Variants in MARK4 observed in about 807,000 individuals in gnomAD.
MARK4 encodes the protein microtubule affinity regulating kinase 4, also known as MAP/microtubule affinity-regulating kinase 4.
MARK4 carries 19 observed loss-of-function variants against 81.5 expected under a neutral mutation model. That is an observed-to-expected ratio of 0.23 (90% CI 0.16 to 0.34). The LOEUF (loss-of-function observed/expected upper bound fraction) is 0.34. MARK4 is among the 10% of genes least tolerant of loss of function. The pLI, the probability that MARK4 is intolerant of heterozygous loss-of-function variation, is 1.00. For missense variants in MARK4, 772 were observed against 1,058.8 expected, an observed-to-expected ratio of 0.73 and a Z score of 3.76; for synonymous variants, 436 against 439.0, an observed-to-expected ratio of 0.99 and a Z score of 0.08.
chr19:45,267,863 G>A (rs1970476087), intron 7 of MARK4, among the ~76,000 whole-genome samples: 1 of 152,096 alleles, frequency 6.6e-6, no homozygotes. Context: ...ATCTCACTCT[G>A]TTGTCCAGGC....
chr19:45,268,212 G>A (rs368484790), intron 7 of MARK4, among the ~76,000 whole-genome samples: 14 of 152,234 alleles, frequency 9.2e-5, no homozygotes, highest in African/African-American at 3.1e-4. Context: ...AGGCTGTGGT[G>A]GGAGGATTGC....
At chr19:45,262,905 C>G (rs1327004128) in intron 2 of MARK4, 17 of 541,844 alleles carry the variant, frequency 3.1e-5, no homozygotes. Context: ...GCTGGGATTA[C>G]AGGTGCCTGC....
In MARK4 at chr19:45,297,870, C is replaced by T. The variant is rs2123109785; in HGVS notation, c.1793C>T (p.Ala598Val). 2 of 1,549,810 alleles carry T rather than the reference C, an allele frequency of 1.3e-6. No individual in the cohort carries two copies. The highest frequency in any genetic ancestry group is 2.4e-5 in the East Asian group (1 of 40,942). The change falls in exon 15 of 17, where the codon GCC (alanine) becomes GTC (valine). Residue 598 changes from alanine (A) to valine (V), a missense_variant. By Grantham distance (64) the Ala-to-Val change is moderately conservative. Around this residue, in one of 3 missense-constraint regions of MARK4, gnomAD observed 548 missense variants for 624.3 expected, o/e 0.88. Transcript: ENST00000262891. ...GGGCCCCCTGCCTCTCCCACACTGGCCCATGAGGCTGCACCCCTGCCCGCC... is the reference window on the plus strand; with the variant it reads ...GGGCCCCCTGCCTCTCCCACACTGGTCCATGAGGCTGCACCCCTGCCCGCC... Reference protein sequence around the residue: ...QNGPPASPTLAHEAAPLPAGR... With the variant: ...QNGPPASPTLVHEAAPLPAGR...
At chr19:45,286,497 T>A (rs1458639368) in intron 12 of MARK4, among the ~76,000 whole-genome samples, 1 of 149,756 alleles carries the variant, frequency 6.7e-6, no homozygotes, top group Non-Finnish European at 1.5e-5. Context: ...ATCGCTGGAG[T>A]CCAGGAGTTT....
intron 8 of MARK4, among the ~76,000 whole-genome samples, chr19:45,275,462 G>A (rs1970586041): frequency 6.6e-6 from 1 of 151,780 alleles, no homozygotes; most frequent in African/African-American, 2.4e-5. Context: ...TCCAGCTTCG[G>A]TGACAGAACA....
intron 8 of MARK4, among the ~76,000 whole-genome samples, chr19:45,273,768 T>G (rs565226077): frequency 6.6e-6 from 1 of 152,356 alleles, no homozygotes; most frequent in Admixed American, 6.5e-5. Context: ...TGCTCTGCGT[T>G]GCCCGTGAGG....
intron 8 of MARK4, among the ~76,000 whole-genome samples, chr19:45,273,244 C>T (rs1008518164): frequency 5.1e-4 from 77 of 152,148 alleles, no homozygotes; most frequent in African/African-American, 1.7e-3. Flanking sequence ...TTCACAATCG[C>T]TGGCCTGTGT....
chr19:45,278,684 A>T, intron 10 of MARK4, 69 bp downstream of exon 10: 2 of 1,136,950 alleles, frequency 1.8e-6, no homozygotes, highest in Non-Finnish European at 2.6e-6. Context: ...GCTCACTGCA[A>T]CCTCCGCCTC....
intron 7 of MARK4, among the ~76,000 whole-genome samples, chr19:45,266,529 A>G (rs1040012002): frequency 6.6e-6 from 1 of 151,998 alleles, no homozygotes; most frequent in African/African-American, 2.4e-5. Flanking sequence ...AGGGAGAAAC[A>G]AAGTGTCCCA....
At chr19:45,276,965 C>G (rs1970606252) in intron 8 of MARK4, among the ~76,000 whole-genome samples, 1 of 151,692 alleles carries the variant, frequency 6.6e-6, no homozygotes, top group Non-Finnish European at 1.5e-5. Flanking sequence ...TCACCTGTAC[C>G]CTGGTAGCAA....
intron 13 of MARK4, among the ~76,000 whole-genome samples, chr19:45,289,326 G>T (rs932650776): frequency 7.0e-6 from 1 of 143,502 alleles, no homozygotes; most frequent in African/African-American, 2.6e-5. Context: ...GGCAGAGGTT[G>T]CAGTGAGCCG....
At chr19:45,301,892 A>G (rs1360865819) in intron 16 of MARK4, among the ~76,000 whole-genome samples, 1 of 151,994 alleles carries the variant, frequency 6.6e-6, no homozygotes, top group East Asian at 1.9e-4. Flanking sequence ...AGAAAAGGAA[A>G]AAGAAATTTC....
At chr19:45,287,861 G>C (rs559322505) in intron 13 of MARK4, 197 bp downstream of exon 13, 2 of 656,634 alleles carry the variant, frequency 3.0e-6, no homozygotes, top group Admixed American at 4.7e-5. Context: ...TGATGTTAGC[G>C]TATAAATTAG....
Position 45,291,520 on chromosome 19 carries a change from C to T in MARK4, c.1495-2829C>T, listed in dbSNP as rs371792884. On this transcript the variant is annotated intron_variant, in intron 13 of 16. Coordinates refer to ENST00000262891, the MANE Select transcript of MARK4 (RefSeq NM_001199867.2). ...AATTAGGGCCAGGCGCGGTGGCTTA[C>T]GCCTGTAATCCCAGCACTTTGGGAG... 1.3e-3 allele frequency among the ~76,000 whole-genome samples: 194 copies of T among 152,316 alleles called. 1 individual carries two copies. Among genetic ancestry groups the T allele is most frequent in the African/African-American group, 3.3e-3 (137 of 41,576 alleles).
Position 45,271,756 on chromosome 19 carries a change from A to C in MARK4, c.786+48A>C, listed in dbSNP as rs772868274. The C allele has an allele frequency of 6.4e-7, 1 of 1,556,396 alleles. No individual in the cohort carries two copies. The highest frequency in any genetic ancestry group is 8.8e-7 in the Non-Finnish European group (1 of 1,138,274). On this transcript the variant is annotated intron_variant, in intron 8 of 16. Transcript: ENST00000262891. The surrounding 1 kb of genome is among the most constrained non-coding windows in gnomAD (Gnocchi z 4.1). ...GGGGCATCAGCCCCTCCCCACAGTC[A>C]GGCCCCTATCCCCCCCACACCTCCC...
rs147096694 is a variant in MARK4, at chr19:45,280,401, G to A, written c.1034G>A (p.Arg345Gln). 7.4e-6 allele frequency: 12 copies of A among 1,614,022 alleles called. No individual in the cohort carries two copies. The highest frequency in any genetic ancestry group is 5.3e-5 in the African/African-American group (4 of 74,924). ...IEVMVGMGYT[R>Q]EEIKESLTSQ... ...GTGATGGTGGGTATGGGCTACACAC[G>A]GGAAGAAATCAAAGAGTCCTTGACC... Residue 345 changes from arginine to glutamine, a missense_variant, in exon 11 of 17, where the codon CGG (arginine) becomes CAG (glutamine). Transcript: ENST00000262891.
At position 45,294,408 on chromosome 19, in the gene MARK4, G is replaced by C. The variant is rs757071725; in HGVS notation, c.1554G>C (p.Pro518=). ...RRNTYVCTER[P]GAERPSLLPN... ...ACACCTACGTTTGCACAGAACGCCC[G>C]GGGGCTGAGCGCCCGTCACTGTTGC... Residue 518 remains proline (P), a synonymous_variant, in exon 14 of 17, where the codon CCG becomes CCC. Transcript: ENST00000262891. The C allele has an allele frequency of 1.9e-6, 3 of 1,614,054 alleles. No individual in the cohort carries two copies. The highest frequency in any genetic ancestry group is 1.6e-4 in the Middle Eastern group (1 of 6,062).
At position 45,299,821 on chromosome 19, in the gene MARK4, G is replaced by A. The variant is rs777582208; in HGVS notation, c.1888G>A (p.Glu630Lys). ...TSKLTRRVAD[E>K]PERIGGPEVT... ...CCTCCCCTCCCCTAGGGTCGCAGAC[G>A]AACCTGAGAGAATCGGGGGACCTGA... The change falls in exon 16 of 17, where the codon GAA becomes AAA. Residue 630 changes from glutamate (E) to lysine (K), a missense_variant. By Grantham distance (56) the Glu-to-Lys change is moderately conservative. This residue lies in a region of MARK4 where 548 missense variants were observed against 624.3 expected (regional missense o/e 0.88). Coordinates refer to ENST00000262891, the MANE Select transcript of MARK4 (RefSeq NM_001199867.2). 14 of 1,604,622 alleles carry A rather than the reference G, an allele frequency of 8.7e-6. No individual in the cohort carries two copies. In the South Asian group the frequency reaches 1.2e-4, roughly 14 times the overall value.
rs368715960 is a variant in MARK4, at chr19:45,263,417, A to G, written c.355+50A>G. On this transcript the variant is annotated intron_variant, in intron 4 of 16. Transcript: ENST00000262891. ...CAGGCCACCAACTGGAACACTTGCA[A>G]AGGAGTTGGGGGTGGTGGCAGTGGT... The G allele has an allele frequency of 1.2e-4, 193 of 1,610,862 alleles. 1 individual carries two copies. In the African/African-American group the frequency reaches 2.4e-3, roughly 20 times the overall value.
Sources: allele counts gnomAD v4.1 joint callset (sites outside exome capture counted in the v4.1 genomes callset), GRCh38; gene constraint gnomAD v4.1.1; regional missense constraint gnomAD v4.1.1; non-coding constraint Gnocchi (gnomAD v3.1); transcripts MANE v1.5; gene names NCBI Gene and HGNC (gene_info 2026-07-23, HGNC 2026-07-21).